DNAH9: variants seen among roughly 807,000 people sequenced by gnomAD.
DNAH9 encodes dynein axonemal heavy chain 9, also known as DNAH9 variant protein.
In DNAH9, 345 loss-of-function variants were observed where a neutral mutation model predicts 471.6. The ratio of observed to expected loss-of-function variants is 0.73; its 90% CI spans 0.67 to 0.80. The LOEUF (loss-of-function observed/expected upper bound fraction) is 0.80. DNAH9 is among the 30% of genes least tolerant of loss of function. The pLI is 0.00. For synonymous variants in DNAH9, 2,093 were observed against 2,123.6 expected (o/e 0.99, Z 0.40); for missense variants, 5,407 against 5,609.2 (o/e 0.96, Z 1.15).
At position 11,654,355 on chromosome 17, in the gene DNAH9, CAA is replaced by C. The variant is rs527835262; in HGVS notation, c.2595+1375_2595+1376del. ...TGGGCCACAGAGCGAGACTCCGTCT[CAA>C]AAAAAAAAAAAAAAAAAAAAAGTTT... On this transcript the variant is annotated intron_variant, in intron 14 of 68. Coordinates refer to ENST00000262442, the MANE Select transcript of DNAH9 (RefSeq NM_001372.4). 3.5e-3 allele frequency among the ~76,000 whole-genome samples: 39 copies of C among 11,262 alleles called. 3 individuals are homozygous for C. The East Asian group carries it at 0.065, about 19-fold the overall frequency. The allele number at this position is 11,262 out of a possible 152,430, so 7.4% of individuals were successfully genotyped here. A position where few individuals can be genotyped will look rare whatever the true frequency, so the allele number is the denominator to read the frequency against.
chr17:11,644,913 C>T (rs2073352220), intron 11 of DNAH9, among the ~76,000 whole-genome samples: 1 of 152,178 alleles, frequency 6.6e-6, no homozygotes, highest in African/African-American at 2.4e-5. Flanking sequence ...AATACTTTTC[C>T]AGTGTAGTTT....
At chr17:11,940,887 C>T (rs1192272743) in intron 66 of DNAH9, among the ~76,000 whole-genome samples, 2 of 152,158 alleles carry the variant, frequency 1.3e-5, no homozygotes, top group African/African-American at 2.4e-5. Context: ...TGTATTAACT[C>T]GGTCAGGCCT....
intron 41 of DNAH9, among the ~76,000 whole-genome samples, 189 bp from the exon 42 acceptor site, chr17:11,793,314 C>T (rs1247589388): frequency 2.0e-5 from 3 of 152,168 alleles, no homozygotes; most frequent in Non-Finnish European, 4.4e-5. Context: ...TGTCTAACTG[C>T]AACCCTTGGG....
At chr17:11,635,248 C>T (rs1192762395) in intron 8 of DNAH9, among the ~76,000 whole-genome samples, 1 of 151,786 alleles carries the variant, frequency 6.6e-6, no homozygotes, top group Admixed American at 6.6e-5. Context: ...CTCACTGCAA[C>T]CTATGCCTTC....
chr17:11,905,399 C>T (rs114595865), intron 60 of DNAH9, among the ~76,000 whole-genome samples: 1 of 152,280 alleles, frequency 6.6e-6, no homozygotes, highest in African/African-American at 2.4e-5. Context: ...AGCCACCAGG[C>T]TCCCCTGAGG....
chr17:11,739,581 T>A (rs1195659791), intron 29 of DNAH9, among the ~76,000 whole-genome samples: 1 of 152,234 alleles, frequency 6.6e-6, no homozygotes, highest in Non-Finnish European at 1.5e-5. Context: ...GAAACATTTT[T>A]AAGGCTCTTG....
intron 49 of DNAH9, among the ~76,000 whole-genome samples, chr17:11,846,618 G>A (rs1389529976): frequency 1.1e-4 from 16 of 144,374 alleles, no homozygotes; most frequent in Admixed American, 9.1e-4. Context: ...TCACGATATT[G>A]ATTCTTCCTA....
At chr17:11,816,751 G>C (rs1970114219) in intron 45 of DNAH9, among the ~76,000 whole-genome samples, 1 of 152,176 alleles carries the variant, frequency 6.6e-6, no homozygotes, top group East Asian at 1.9e-4. Flanking sequence ...ACATACAGAA[G>C]ATGGCAGAAG....
At chr17:11,879,727 A>T (rs925936121) in intron 53 of DNAH9, among the ~76,000 whole-genome samples, 1 of 147,398 alleles carries the variant, frequency 6.8e-6, no homozygotes, top group Non-Finnish European at 1.5e-5. Context: ...TATTTTCTGT[A>T]AAAAAAAACA....
intron 14 of DNAH9, among the ~76,000 whole-genome samples, chr17:11,656,359 CTTCT>C: frequency 6.6e-6 from 1 of 152,034 alleles, no homozygotes. Context: ...ATTTGTTTAT[CTTCT>C]TTTGAGAATT....
At chr17:11,778,227 A>G (rs983216168) in intron 38 of DNAH9, among the ~76,000 whole-genome samples, 10 of 148,912 alleles carry the variant, frequency 6.7e-5, no homozygotes, top group South Asian at 2.2e-4. Flanking sequence ...TCGGGAGGCT[A>G]AGGCAGGAGA....
At chr17:11,810,976 T>C (rs1969877004) in intron 45 of DNAH9, among the ~76,000 whole-genome samples, 1 of 152,244 alleles carries the variant, frequency 6.6e-6, no homozygotes, top group Non-Finnish European at 1.5e-5. Flanking sequence ...ATGCTTGCTA[T>C]TGCTATTTTA....
intron 61 of DNAH9, among the ~76,000 whole-genome samples, chr17:11,908,824 G>A (rs547593351): frequency 5.9e-5 from 9 of 152,174 alleles, no homozygotes; most frequent in South Asian, 2.1e-4. Flanking sequence ...AGAGCCTTCC[G>A]CGGATGCCGG....
At chr17:11,703,914 T>C (rs2074647736) in intron 24 of DNAH9, among the ~76,000 whole-genome samples, 1 of 152,156 alleles carries the variant, frequency 6.6e-6, no homozygotes, top group African/African-American at 2.4e-5. Context: ...TTCATCCCCG[T>C]CACAATTTCT....
chr17:11,816,346 C>T (rs768594076), intron 45 of DNAH9, among the ~76,000 whole-genome samples: 6 of 152,140 alleles, frequency 3.9e-5, no homozygotes, highest in African/African-American at 1.4e-4. Flanking sequence ...TGTTTTTCAT[C>T]GTTTATACGG....
Position 11,893,178 on chromosome 17 carries a change from C to CAAAA in DNAH9, c.11284-1182_11284-1179dup, listed in dbSNP as rs58420771. ...AGCCCAGATGACAGCTTGGCCTTTGCAAAAAAAAAAAAAAAAATGTGGGCC... is the reference window on the plus strand; with the variant it reads ...AGCCCAGATGACAGCTTGGCCTTTGCAAAAAAAAAAAAAAAAAAAAATGTGGGCC... On this transcript the variant is annotated intron_variant, in intron 58 of 68. Transcript: ENST00000262442. Among the ~76,000 whole-genome samples the CAAAA allele has an allele frequency of 1.9e-3, 179 of 95,182 alleles. 34 individuals carry two copies. The highest frequency in any genetic ancestry group is 9.6e-3 in the South Asian group (22 of 2,282). 62.4% of individuals were successfully genotyped at this position (95,182 alleles called of 152,430 possible).
At chr17:11,960,858 G>A (rs182203078) in intron 67 of DNAH9, among the ~76,000 whole-genome samples, 36 of 152,258 alleles carry the variant, frequency 2.4e-4, no homozygotes, top group Non-Finnish European at 4.4e-4. Context: ...CAGGCCCTAC[G>A]GAGGTGAGAA....
chr17:11,682,621 T>A (rs1457696563), intron 19 of DNAH9, among the ~76,000 whole-genome samples: 1 of 152,068 alleles, frequency 6.6e-6, no homozygotes, highest in African/African-American at 2.4e-5. Flanking sequence ...AACATATGAC[T>A]CTAAAGCAAT....
chr17:11,775,627 CAG>C (rs1968393704), intron 38 of DNAH9, among the ~76,000 whole-genome samples: 1 of 95,326 alleles, frequency 1.0e-5, no homozygotes, highest in Admixed American at 1.6e-4. Context: ...TTTTTTGAGA[CAG>C]AGTCTTGCTC....
Sources: allele counts gnomAD v4.1 joint callset (sites outside exome capture counted in the v4.1 genomes callset), GRCh38; gene constraint gnomAD v4.1.1; transcripts MANE v1.5; gene names NCBI Gene and HGNC (gene_info 2026-07-23, HGNC 2026-07-21).